CSTF3: variants seen among roughly 807,000 people sequenced by gnomAD.
CSTF3 encodes the protein CF-1 77 kDa subunit.
CSTF3 carries 29 observed loss-of-function variants against 105.8 expected under a neutral mutation model. The ratio of observed to expected loss-of-function variants is 0.27; its 90% CI spans 0.20 to 0.37. The LOEUF is 0.37. CSTF3 is among the 10% of genes least tolerant of loss of function. The pLI is 1.00. For synonymous variants in CSTF3, 252 were observed against 281.9 expected, an observed-to-expected ratio of 0.89 and a Z score of 1.06; for missense variants, 357 against 879.3, an observed-to-expected ratio of 0.41 and a Z score of 7.51.
chr11:33,148,143 A>G (rs897136713), intron 1 of CSTF3, among the ~76,000 whole-genome samples: 2 of 152,164 alleles, frequency 1.3e-5, no homozygotes, highest in African/African-American at 4.8e-5. Flanking sequence ...AAAGAGACCA[A>G]CTGAAGAGCA....
chr11:33,132,057 G>C (rs967256618), intron 3 of CSTF3, among the ~76,000 whole-genome samples: 2 of 152,018 alleles, frequency 1.3e-5, no homozygotes, highest in Non-Finnish European at 2.9e-5. Context: ...ATAATAAATA[G>C]TTGGAAAGAA....
chr11:33,133,445 T>C (rs1482950774), intron 3 of CSTF3, among the ~76,000 whole-genome samples: 1 of 152,170 alleles, frequency 6.6e-6, no homozygotes, highest in Non-Finnish European at 1.5e-5. Context: ...ACATCACCAA[T>C]ATGGGACAAA....
intron 3 of CSTF3, among the ~76,000 whole-genome samples, chr11:33,118,194 A>G (rs1285462292): frequency 6.6e-6 from 1 of 151,788 alleles, no homozygotes; most frequent in Non-Finnish European, 1.5e-5. Context: ...CCCCACTTTA[A>G]AATCTACTTT....
rs752520643 is a variant in CSTF3 at position 33,105,951 on chromosome 11, T to C, written c.424-34A>G. ...TAAAATGAAATGTTAATATCTTTCT[T>C]GGTATTCTTACATTTAAGTGCATAC... On this transcript the variant is annotated intron_variant, in intron 6 of 20. Coordinates refer to ENST00000323959, the MANE Select transcript of CSTF3 (RefSeq NM_001326.3). The C allele has an allele frequency of 1.4e-5, 22 of 1,579,204 alleles. No homozygotes were observed. In the South Asian group the frequency reaches 2.4e-4, roughly 17 times the overall value.
intron 3 of CSTF3, among the ~76,000 whole-genome samples, chr11:33,127,163 A>T (rs1267407392): frequency 1.3e-5 from 2 of 152,312 alleles, no homozygotes; most frequent in East Asian, 3.9e-4. Context: ...TTTACTATTA[A>T]TATGTGGATT....
intron 3 of CSTF3, among the ~76,000 whole-genome samples, chr11:33,130,776 T>C (rs755966696): frequency 6.6e-6 from 1 of 151,544 alleles, no homozygotes; most frequent in Non-Finnish European, 1.5e-5. Flanking sequence ...AGTCCAGGAG[T>C]TCAAGACCAG....
At chr11:33,107,685 T>C (rs1051088420) in intron 5 of CSTF3, among the ~76,000 whole-genome samples, 22 of 152,238 alleles carry the variant, frequency 1.4e-4, no homozygotes, top group African/African-American at 5.1e-4. Flanking sequence ...AGTGTTTCAG[T>C]ATAGAAAGGG....
chr11:33,100,064 A>T (rs1855265934), intron 10 of CSTF3, among the ~76,000 whole-genome samples: 2 of 151,780 alleles, frequency 1.3e-5, no homozygotes, highest in South Asian at 2.1e-4. Flanking sequence ...GCTTATTTTT[A>T]AAAATCTTGT....
At chr11:33,108,445 TTA>T (rs1855347593) in intron 3 of CSTF3, 27 bp from the exon 4 acceptor site, 6 of 1,430,106 alleles carry the variant, frequency 4.2e-6, no homozygotes, top group African/African-American at 1.5e-5. Context: ...AAATATAGAA[TTA>T]ATACTATTTT....
chr11:33,136,868 C>A (rs993709251), intron 3 of CSTF3, among the ~76,000 whole-genome samples: 1 of 151,804 alleles, frequency 6.6e-6, no homozygotes, highest in Admixed American at 6.6e-5. Context: ...ATATTTTTAA[C>A]AACTAAGTAT....
chr11:33,149,417 T>G (rs545753484), intron 1 of CSTF3, among the ~76,000 whole-genome samples: 13 of 152,340 alleles, frequency 8.5e-5, no homozygotes, highest in African/African-American at 2.6e-4. Flanking sequence ...CCTTTTAACA[T>G]AACAGCTATG....
chr11:33,117,707 A>T (rs554029860), intron 3 of CSTF3, among the ~76,000 whole-genome samples: 76 of 151,994 alleles, frequency 5.0e-4, no homozygotes, highest in African/African-American at 1.8e-3. Context: ...TACACAGAAA[A>T]TTTGAGAACC....
At chr11:33,092,991 T>C (rs1855184354) in intron 15 of CSTF3, among the ~76,000 whole-genome samples, 1 of 152,200 alleles carries the variant, frequency 6.6e-6, no homozygotes, top group Non-Finnish European at 1.5e-5. Context: ...AACTTAAGAA[T>C]CTAACAGTAA....
chr11:33,111,606 A>T (rs1359668321), intron 3 of CSTF3, among the ~76,000 whole-genome samples: 1 of 152,212 alleles, frequency 6.6e-6, no homozygotes. Context: ...GAGACAAGAA[A>T]AAAGACTTTA....
chr11:33,099,227 CTACTT>C lies in CSTF3; in HGVS notation c.937-82_937-78del. The C allele has an allele frequency of 6.7e-7, 1 of 1,487,508 alleles. No individual in the cohort carries two copies. The highest frequency in any genetic ancestry group is 9.0e-7 in the Non-Finnish European group (1 of 1,107,184). The allele number at this position is 1,487,508 out of a possible 1,614,324, so 92.1% of individuals were successfully genotyped here. On this transcript the variant is annotated intron_variant, in intron 11 of 20. Coordinates refer to ENST00000323959, the MANE Select transcript of CSTF3 (RefSeq NM_001326.3). This position sits in a 1 kb window ranked among gnomAD's most constrained non-coding sequence, Gnocchi z 4.1. The stretch of plus-strand genomic sequence containing the variant: ...GAGAATAAAATTAATAAAGTTACAT[CTACTT>C]TATTTTATTTATGTGTCTAAGAAAG...
chr11:33,136,015 G>A (rs1013670627), intron 3 of CSTF3: 2 of 152,408 alleles, frequency 1.3e-5, no homozygotes, highest in Non-Finnish European at 2.9e-5. Context: ...GAATCCTATC[G>A]CTGATGTCAA....
At chr11:33,117,441 C>A (rs1250357483) in intron 3 of CSTF3, among the ~76,000 whole-genome samples, 1 of 151,936 alleles carries the variant, frequency 6.6e-6, no homozygotes, top group East Asian at 1.9e-4. Flanking sequence ...TTTAAAATGA[C>A]TAAATACTGC....
chr11:33,097,436 C>A (rs982225379), intron 13 of CSTF3, among the ~76,000 whole-genome samples: 1 of 152,044 alleles, frequency 6.6e-6, no homozygotes, highest in African/African-American at 2.4e-5. Context: ...GTGGTGCGAT[C>A]TTGGCTCACT....
chr11:33,089,448 C>T (rs544519608), intron 17 of CSTF3, among the ~76,000 whole-genome samples: 4 of 152,192 alleles, frequency 2.6e-5, no homozygotes, highest in Non-Finnish European at 4.4e-5. Flanking sequence ...TTTGAGGACC[C>T]GCTGTGTATC....
Sources: gnomAD v4.1 joint callset for allele counts (sites outside exome capture counted in the v4.1 genomes callset) on GRCh38, gnomAD v4.1.1 for gene constraint, Gnocchi (gnomAD v3.1) non-coding constraint, MANE v1.5 for transcripts, NCBI Gene and HGNC (gene_info 2026-07-23, HGNC 2026-07-21) for gene names.